The following COL6A6 variants were observed in gnomAD, a reference collection of about 807,000 sequenced individuals.
The protein encoded by COL6A6 is collagen alpha-6(VI) chain.
COL6A6 carries 183 observed loss-of-function variants against 208.6 expected under a neutral mutation model. That is an observed-to-expected ratio of 0.88 (90% CI 0.78 to 0.99). The LOEUF is 0.99. COL6A6 is among the 50% of genes least tolerant of loss of function. COL6A6 has a pLI of 0.00. For missense variants in COL6A6, 2,816 were observed against 2,815.2 expected (o/e 1.00, Z -0.01); for synonymous variants, 973 against 1,011.8 (o/e 0.96, Z 0.73).
At chr3:130,546,802 G>T (rs1182235106) in intron 1 of COL6A6, among the ~76,000 whole-genome samples, 1 of 151,754 alleles carries the variant, frequency 6.6e-6, no homozygotes, top group East Asian at 2.0e-4. Flanking sequence ...GACACAGAGT[G>T]CTGATTGGTG....
intron 28 of COL6A6, among the ~76,000 whole-genome samples, chr3:130,638,467 A>AGCT: frequency 6.6e-6 from 1 of 152,252 alleles, no homozygotes; most frequent in East Asian, 1.9e-4. Context: ...GCTGGTGCCC[A>AGCT]GCTGCCATAC....
chr3:130,528,366 T>G (rs2062008985), intron 1 of COL6A6, among the ~76,000 whole-genome samples: 1 of 152,228 alleles, frequency 6.6e-6, no homozygotes, highest in Admixed American at 6.5e-5. Flanking sequence ...CAGGTGATCC[T>G]GCATTTCTGA....
intron 21 of COL6A6, among the ~76,000 whole-genome samples, chr3:130,608,191 C>T (rs775609475): frequency 2.6e-5 from 4 of 152,166 alleles, no homozygotes. Flanking sequence ...ATTCAGACTA[C>T]AGCACATTTC....
chr3:130,599,676 C>T, intron 19 of COL6A6, 81 bp from the exon 20 acceptor site: 2 of 1,428,722 alleles, frequency 1.4e-6, no homozygotes, highest in Non-Finnish European at 2.0e-6. Context: ...TCTATCCTCC[C>T]TGGAGTAAAA....
intron 1 of COL6A6, among the ~76,000 whole-genome samples, chr3:130,538,248 T>C (rs2062271705): frequency 6.6e-6 from 1 of 152,204 alleles, no homozygotes; most frequent in Non-Finnish European, 1.5e-5. Flanking sequence ...CTCTCAGGGT[T>C]CAGGGAGATA....
Position 130,591,036 on chromosome 3 carries a change from T to C in COL6A6, c.4219-5T>C, listed in dbSNP as rs1348569176. On this transcript the variant is annotated splice_region_variant and splice_polypyrimidine_tract_variant and intron_variant, in intron 12 of 36. Coordinates refer to ENST00000358511, the MANE Select transcript of COL6A6 (RefSeq NM_001102608.3). ...CAAATGTTTTCTTCCTTTTCTTATT[T>C]CCAGGGACCTCCAGGTTTTAAAGGC... 6.4e-7 allele frequency: 1 copy of C among 1,570,840 alleles called. No homozygotes were observed. Among genetic ancestry groups the C allele is most frequent in the Non-Finnish European group, 8.7e-7 (1 of 1,155,412 alleles).
rs759362791 is a variant in COL6A6 at position 130,568,490 on chromosome 3, AC to A, written c.2290del (p.Gln764SerfsTer45). On this transcript the variant is annotated frameshift_variant, in exon 6 of 37. Coordinates refer to ENST00000358511, the MANE Select transcript of COL6A6 (RefSeq NM_001102608.3). LOFTEE classifies it high-confidence loss of function. ...TGTGGGAGTGTTTGGCTCCAATGTC[AC>A]CCAGCTTGAGGAGATCAGTGGGAGG... ...YSVGVFGSNV[T>X]QLEEISGRPE... 1.2e-6 allele frequency: 2 copies of A among 1,613,830 alleles called. No homozygotes were observed. The highest frequency in any genetic ancestry group is 1.7e-5 in the Admixed American group (1 of 60,018).
At chr3:130,639,218 A>G (rs2065239802) in intron 28 of COL6A6, among the ~76,000 whole-genome samples, 1 of 150,718 alleles carries the variant, frequency 6.6e-6, no homozygotes, top group Non-Finnish European at 1.5e-5. Flanking sequence ...GTTCCTTTTT[A>G]TAGCATACTG....
At chr3:130,568,635 A>G in intron 6 of COL6A6, 31 bp downstream of exon 6, 4 of 1,520,680 alleles carry the variant, frequency 2.6e-6, no homozygotes, top group South Asian at 2.5e-5. Flanking sequence ...TAGCAGGACT[A>G]TCCGAACAAC....
At chr3:130,602,493 A>T (rs1328293925) in intron 20 of COL6A6, among the ~76,000 whole-genome samples, 1 of 152,224 alleles carries the variant, frequency 6.6e-6, no homozygotes, top group Non-Finnish European at 1.5e-5. Context: ...TTCAAGGAAA[A>T]ATATGAATTC....
chr3:130,640,884 T>C (rs539942965), intron 28 of COL6A6, among the ~76,000 whole-genome samples: 1 of 152,334 alleles, frequency 6.6e-6, no homozygotes, highest in South Asian at 2.1e-4. Flanking sequence ...TTTTTCAGTT[T>C]AGTTACCTAC....
intron 23 of COL6A6, among the ~76,000 whole-genome samples, chr3:130,619,350 T>G (rs778440589): frequency 6.6e-6 from 1 of 151,966 alleles, no homozygotes; most frequent in Non-Finnish European, 1.5e-5. Context: ...GGGAAAAAAA[T>G]GGACCAGCTG....
At chr3:130,554,620 G>A (rs1022474605) in intron 1 of COL6A6, among the ~76,000 whole-genome samples, 2 of 152,194 alleles carry the variant, frequency 1.3e-5, no homozygotes, top group African/African-American at 2.4e-5. Context: ...ATTCATGCTG[G>A]CATTGGAGGT....
chr3:130,543,459 G>A (rs1379767930), intron 1 of COL6A6, among the ~76,000 whole-genome samples: 4 of 151,942 alleles, frequency 2.6e-5, no homozygotes, highest in African/African-American at 9.7e-5. Flanking sequence ...GGTTTTAACT[G>A]AGCATTTTAT....
intron 11 of COL6A6, among the ~76,000 whole-genome samples, chr3:130,587,119 G>A (rs1467885940): frequency 7.9e-5 from 12 of 152,158 alleles, no homozygotes; most frequent in Non-Finnish European, 1.8e-4. Context: ...GTAAATGAAA[G>A]CAAATTACAT....
chr3:130,672,173 G>C (rs2108495551), intron 36 of COL6A6, among the ~76,000 whole-genome samples: 1 of 152,262 alleles, frequency 6.6e-6, no homozygotes, highest in African/African-American at 2.4e-5. Flanking sequence ...CTGCATAGAT[G>C]GAGGAATCTG....
chr3:130,669,300 CAGG>C (rs1330482025), intron 36 of COL6A6, among the ~76,000 whole-genome samples: 1 of 152,084 alleles, frequency 6.6e-6, no homozygotes, highest in Non-Finnish European at 1.5e-5. Context: ...GAGGCAGAGG[CAGG>C]AGGATTGCTC....
intron 7 of COL6A6, 103 bp from the exon 8 acceptor site, chr3:130,573,853 G>A (rs2063225887): frequency 1.3e-6 from 1 of 792,502 alleles, no homozygotes; most frequent in Admixed American, 2.6e-5. Flanking sequence ...ACAGGAGTGA[G>A]CCACCGCGCC....
intron 23 of COL6A6, among the ~76,000 whole-genome samples, chr3:130,618,757 G>A (rs2064613627): frequency 6.6e-6 from 1 of 152,164 alleles, no homozygotes; most frequent in Non-Finnish European, 1.5e-5. Flanking sequence ...TAATGGCAAG[G>A]TCCTGTATGT....
Sources: gnomAD v4.1 joint callset for allele counts (sites outside exome capture counted in the v4.1 genomes callset) on GRCh38, gnomAD v4.1.1 for gene constraint, MANE v1.5 for transcripts, NCBI Gene and HGNC (gene_info 2026-07-23, HGNC 2026-07-21) for gene names.